ALDH1A1: variants seen among roughly 807,000 people sequenced by gnomAD.
ALDH1A1 encodes aldehyde dehydrogenase 1A1.
A neutral mutation model predicts 62.1 loss-of-function variants in ALDH1A1; 19 were observed. That is an observed-to-expected ratio of 0.31 (90% CI 0.21 to 0.45). ALDH1A1 has a LOEUF of 0.45. Ranked by LOEUF, ALDH1A1 falls within the 20% of genes least tolerant of loss-of-function variation. ALDH1A1 has a pLI of 1.00. For synonymous variants in ALDH1A1, 231 were observed against 215.9 expected (o/e 1.07, Z -0.61); for missense variants, 521 against 607.1 (o/e 0.86, Z 1.49).
intron 7 of ALDH1A1, among the ~76,000 whole-genome samples, chr9:72,919,872 A>G (rs776702054): frequency 2.6e-5 from 4 of 152,166 alleles, no homozygotes; most frequent in Non-Finnish European, 5.9e-5. Flanking sequence ...CTTTGTTTTC[A>G]ATTATTTTTT....
At chr9:72,921,425 G>C (rs1249853838) in intron 7 of ALDH1A1, among the ~76,000 whole-genome samples, 2 of 150,834 alleles carry the variant, frequency 1.3e-5, no homozygotes, top group Admixed American at 1.3e-4. Context: ...AAGTTCCAGG[G>C]AGTATGGAAC....
At chr9:72,925,444 T>A (rs1483718735) in intron 6 of ALDH1A1, 40 bp downstream of exon 6, 1 of 1,604,480 alleles carries the variant, frequency 6.2e-7, no homozygotes, top group African/African-American at 1.3e-5. Flanking sequence ...AATTTAGGAT[T>A]CTTGAGTTCT....
In ALDH1A1 at chr9:72,901,255, T is replaced by C; in HGVS notation, c.1459A>G (p.Thr487Ala). 1 of 1,610,120 alleles carries C rather than the reference T, an allele frequency of 6.2e-7. No individual in the cohort carries two copies. The highest frequency in any genetic ancestry group is 8.5e-7 in the Non-Finnish European group (1 of 1,178,066). ...TTCACTGTGACTGTTTTGACCTCTG[T>C]ATATTCATGGAAACCGTACTCTCCC... ...ELGEYGFHEY[T>A]EVKTVTVKIS... The change falls in exon 13 of 13, where the codon ACA (threonine) becomes GCA (alanine). Residue 487 changes from threonine to alanine, a missense_variant. Thr to Ala is a moderately conservative substitution (Grantham distance 58, BLOSUM62 0). Transcript: ENST00000297785.
Position 72,925,473 on chromosome 9 carries a change from G to A in ALDH1A1, c.633+11C>T, listed in dbSNP as rs761319210. The A allele has an allele frequency of 2.5e-5, 40 of 1,610,354 alleles. No homozygotes were observed. The highest frequency in any genetic ancestry group is 5.5e-5 in the South Asian group (5 of 90,408). On this transcript the variant is annotated intron_variant, in intron 6 of 12. Transcript: ENST00000297785. ...GAGTTCTTGAGCATATTTTGATTTC[G>A]GGAGACTTACCTCTTTTATTAAAGA...
chr9:72,944,058 C>T (rs779218869), intron 1 of ALDH1A1, among the ~76,000 whole-genome samples: 1 of 151,974 alleles, frequency 6.6e-6, no homozygotes, highest in Non-Finnish European at 1.5e-5. Context: ...ACAGATAAGG[C>T]CTGACATTGA....
At chr9:72,922,660 C>A (rs753750829) in intron 7 of ALDH1A1, among the ~76,000 whole-genome samples, 2 of 152,202 alleles carry the variant, frequency 1.3e-5, no homozygotes, top group Non-Finnish European at 2.9e-5. Flanking sequence ...ATGGGTTGGA[C>A]AGACCTCAAC....
At chr9:72,947,322 C>G (rs1456068470) in intron 1 of ALDH1A1, among the ~76,000 whole-genome samples, 1 of 151,940 alleles carries the variant, frequency 6.6e-6, no homozygotes, top group Non-Finnish European at 1.5e-5. Flanking sequence ...AAACTGGAAG[C>G]TCTATTGTGA....
At chr9:72,925,887 C>T (rs1483120091) in intron 5 of ALDH1A1, among the ~76,000 whole-genome samples, 1 of 152,036 alleles carries the variant, frequency 6.6e-6, no homozygotes. Flanking sequence ...AAAAAAATCA[C>T]TGCATGGTTT....
chr9:72,948,429 C>A (rs141708387), intron 1 of ALDH1A1, among the ~76,000 whole-genome samples: 2 of 152,020 alleles, frequency 1.3e-5, no homozygotes, highest in East Asian at 3.9e-4. Flanking sequence ...TCATCTCATC[C>A]ATTCTCTCCC....
chr9:72,910,288 A>G (rs1055022101), intron 10 of ALDH1A1, among the ~76,000 whole-genome samples: 2 of 152,208 alleles, frequency 1.3e-5, no homozygotes, highest in Non-Finnish European at 2.9e-5. Flanking sequence ...TCAGTAGAAT[A>G]GTTACTAATT....
chr9:72,932,464 G>A (rs1345799827), intron 2 of ALDH1A1, among the ~76,000 whole-genome samples: 3 of 151,934 alleles, frequency 2.0e-5, no homozygotes, highest in African/African-American at 7.3e-5. Flanking sequence ...TATGATCTGG[G>A]GCAAGAGAGA....
At chr9:72,908,515 GAA>G (rs1829913628) in intron 11 of ALDH1A1, among the ~76,000 whole-genome samples, 1 of 74,380 alleles carries the variant, frequency 1.3e-5, no homozygotes, top group Non-Finnish European at 2.7e-5. Flanking sequence ...ACGAAAGAAA[GAA>G]AGAAAGAAAG....
intron 9 of ALDH1A1, among the ~76,000 whole-genome samples, chr9:72,915,960 C>T (rs1243643838): frequency 6.6e-6 from 1 of 152,144 alleles, no homozygotes; most frequent in Non-Finnish European, 1.5e-5. Context: ...TGTGAAAGAA[C>T]AGAGCCTCTA....
intron 1 of ALDH1A1, among the ~76,000 whole-genome samples, chr9:72,947,171 T>C (rs1218468073): frequency 6.6e-6 from 1 of 151,958 alleles, no homozygotes; most frequent in Non-Finnish European, 1.5e-5. Flanking sequence ...GCATTCTAAA[T>C]ATTAGTAAAT....
intron 1 of ALDH1A1, among the ~76,000 whole-genome samples, chr9:72,947,559 G>A (rs1158738965): frequency 6.6e-6 from 1 of 151,920 alleles, no homozygotes; most frequent in Admixed American, 6.6e-5. Flanking sequence ...AGAGCTAATT[G>A]GGAAAGGGGG....
intron 1 of ALDH1A1, among the ~76,000 whole-genome samples, chr9:72,950,076 T>C (rs1312278372): frequency 6.6e-6 from 1 of 151,696 alleles, no homozygotes; most frequent in East Asian, 1.9e-4. Context: ...TAGGAAAGGT[T>C]GGGTAAAAGG....
chr9:72,945,795 T>C (rs1355517624), intron 1 of ALDH1A1, among the ~76,000 whole-genome samples: 1 of 151,702 alleles, frequency 6.6e-6, no homozygotes, highest in African/African-American at 2.4e-5. Flanking sequence ...AGACTCAAAG[T>C]TAGAAAATGT....
At chr9:72,940,963 G>C (rs143375345) in intron 1 of ALDH1A1, among the ~76,000 whole-genome samples, 2,086 of 152,264 alleles carry the variant, frequency 0.014, 36 homozygotes, top group African/African-American at 0.047. Flanking sequence ...AAAAGCATCA[G>C]TATGTCATTT....
chr9:72,912,073 T>C lies in ALDH1A1; in HGVS notation c.1085A>G (p.Lys362Arg). The C allele has an allele frequency of 2.5e-6, 4 of 1,613,866 alleles. No individual in the cohort carries two copies. The highest frequency in any genetic ancestry group is 3.4e-6 in the Non-Finnish European group (4 of 1,179,794). ...DKILDLIESG[K>R]KEGAKLECGG... is the part of the protein sequence containing the mutation. ...ACATTCCAGTTTGGCCCCTTCTTTCTTCCCACTCTCAATGAGGTCAAGTAT... is the reference window on the plus strand; with the variant it reads ...ACATTCCAGTTTGGCCCCTTCTTTCCTCCCACTCTCAATGAGGTCAAGTAT... The change falls in exon 10 of 13, where the codon AAG (lysine) becomes AGG (arginine). Residue 362 changes from lysine to arginine, a missense_variant. Coordinates refer to ENST00000297785, the MANE Select transcript of ALDH1A1 (RefSeq NM_000689.5).
Sources: gnomAD v4.1 joint callset for allele counts (sites outside exome capture counted in the v4.1 genomes callset) on GRCh38, gnomAD v4.1.1 for gene constraint, MANE v1.5 for transcripts, NCBI Gene and HGNC (gene_info 2026-07-23, HGNC 2026-07-21) for gene names.